Variants in GATAD2A observed in about 807,000 individuals in gnomAD.
GATAD2A encodes the protein transcriptional repressor p66-alpha.
A neutral mutation model predicts 68.5 loss-of-function variants in GATAD2A; 12 were observed. The ratio of observed to expected loss-of-function variants is 0.18; its 90% CI spans 0.11 to 0.28. GATAD2A has a LOEUF of 0.28. Ranked by LOEUF, GATAD2A falls within the 10% of genes least tolerant of loss-of-function variation. GATAD2A has a pLI of 1.00. For synonymous variants in GATAD2A, 410 were observed against 375.3 expected (o/e 1.09, Z -1.07); for missense variants, 755 against 868.5 (o/e 0.87, Z 1.64).
At chr19:19,501,825 A>C in intron 9 of GATAD2A, 144 bp from the exon 10 acceptor site, 1 of 648,454 alleles carries the variant, frequency 1.5e-6, no homozygotes, top group Non-Finnish European at 2.7e-6. Flanking sequence ...AGTTCTTTGC[A>C]ATTCACTAAA....
chr19:19,458,079 TGA>T (rs1174501615), intron 1 of GATAD2A, among the ~76,000 whole-genome samples: 1 of 152,146 alleles, frequency 6.6e-6, no homozygotes, highest in Non-Finnish European at 1.5e-5. Context: ...CCTGATAACA[TGA>T]GAGAGAGAAG....
chr19:19,454,097 A>G (rs1331315865), intron 1 of GATAD2A, among the ~76,000 whole-genome samples: 1 of 151,700 alleles, frequency 6.6e-6, no homozygotes, highest in East Asian at 2.0e-4. Context: ...TCCTGGGTTC[A>G]AGCAGTTCTC....
At chr19:19,489,630 G>A (rs1455194708) in intron 2 of GATAD2A, among the ~76,000 whole-genome samples, 2 of 152,244 alleles carry the variant, frequency 1.3e-5, no homozygotes, top group Non-Finnish European at 2.9e-5. Flanking sequence ...CAGCTGCTAG[G>A]TGGTCTGGAC....
chr19:19,436,854 G>A (rs2054415296), intron 1 of GATAD2A, among the ~76,000 whole-genome samples: 1 of 152,226 alleles, frequency 6.6e-6, no homozygotes, highest in Non-Finnish European at 1.5e-5. Context: ...CCCTGGGTCA[G>A]CTGCTCCGTT....
At chr19:19,460,884 G>A (rs781614569) in intron 1 of GATAD2A, among the ~76,000 whole-genome samples, 140 of 152,244 alleles carry the variant, frequency 9.2e-4, no homozygotes, top group Non-Finnish European at 1.8e-3. Flanking sequence ...ACATGTCTCC[G>A]CTCAGGCCCT....
At chr19:19,414,232 G>A (rs918419571) in intron 1 of GATAD2A, among the ~76,000 whole-genome samples, 1 of 152,030 alleles carries the variant, frequency 6.6e-6, no homozygotes, top group Non-Finnish European at 1.5e-5. Context: ...ACTATTTTTG[G>A]GAGTTGGGTA....
intron 1 of GATAD2A, among the ~76,000 whole-genome samples, chr19:19,406,878 C>T (rs564139651): frequency 2.0e-5 from 3 of 152,308 alleles, no homozygotes; most frequent in South Asian, 4.1e-4. Flanking sequence ...AATGACAACC[C>T]TTAGGTGCGT....
At chr19:19,399,629 T>C (rs1027572005) in intron 1 of GATAD2A, among the ~76,000 whole-genome samples, 1 of 152,204 alleles carries the variant, frequency 6.6e-6, no homozygotes, top group Admixed American at 6.6e-5. Context: ...TAGTTAGATA[T>C]AGACCTGATT....
At chr19:19,426,633 C>T (rs765626521) in intron 1 of GATAD2A, among the ~76,000 whole-genome samples, 38 of 152,150 alleles carry the variant, frequency 2.5e-4, no homozygotes, top group Admixed American at 5.2e-4. Context: ...GCCTCAGCCT[C>T]CCGAGTAGCT....
chr19:19,489,359 C>T (rs1725815007), intron 2 of GATAD2A, among the ~76,000 whole-genome samples: 1 of 152,232 alleles, frequency 6.6e-6, no homozygotes, highest in Admixed American at 6.5e-5. Flanking sequence ...TGTCACAAAC[C>T]GGTTGGAACT....
At chr19:19,415,392 T>G (rs1324473923) in intron 1 of GATAD2A, among the ~76,000 whole-genome samples, 1 of 151,638 alleles carries the variant, frequency 6.6e-6, no homozygotes, top group Non-Finnish European at 1.5e-5. Context: ...CGACTTCAGG[T>G]GATCTGCCCG....
At chr19:19,411,071 C>T (rs919196054) in intron 1 of GATAD2A, among the ~76,000 whole-genome samples, 6 of 152,236 alleles carry the variant, frequency 3.9e-5, no homozygotes, top group Admixed American at 1.3e-4. Flanking sequence ...CTGTCACTGT[C>T]TGCATGCCCC....
intron 1 of GATAD2A, among the ~76,000 whole-genome samples, chr19:19,407,512 C>T (rs1406051546): frequency 6.6e-6 from 1 of 152,188 alleles, no homozygotes; most frequent in Non-Finnish European, 1.5e-5. Context: ...AGTAGTGAGG[C>T]AGAGCCAGGC....
intron 1 of GATAD2A, among the ~76,000 whole-genome samples, chr19:19,439,805 G>A (rs745325986): frequency 5.3e-5 from 8 of 152,038 alleles, no homozygotes; most frequent in Non-Finnish European, 7.4e-5. Context: ...CCAAGATCAC[G>A]CCACTGCACT....
chr19:19,494,817 A>T (rs2060036340), intron 5 of GATAD2A, among the ~76,000 whole-genome samples: 1 of 152,124 alleles, frequency 6.6e-6, no homozygotes, highest in South Asian at 2.1e-4. Context: ...AGCTTGCTCT[A>T]GGGGGTGACC....
At chr19:19,424,114 A>G (rs975210047) in intron 1 of GATAD2A, among the ~76,000 whole-genome samples, 1 of 152,118 alleles carries the variant, frequency 6.6e-6, no homozygotes, top group African/African-American at 2.4e-5. Flanking sequence ...TTATAGAAAC[A>G]GGGTCTCACT....
At chr19:19,414,837 CTT>C (rs56353005) in intron 1 of GATAD2A, among the ~76,000 whole-genome samples, 15 of 74,750 alleles carry the variant, frequency 2.0e-4, no homozygotes, top group Admixed American at 5.6e-4. Context: ...ACCCTGCCCC[CTT>C]TTTTTTTTTT....
chr19:19,501,017 G>A, intron 8 of GATAD2A, 101 bp from the exon 9 acceptor site: 1 of 1,040,752 alleles, frequency 9.6e-7, no homozygotes, highest in Non-Finnish European at 1.4e-6. Context: ...AGAACGGACA[G>A]ACTGTGGCGA....
At position 19,394,422 on chromosome 19, in the gene GATAD2A, T is replaced by C. The variant is rs115952172; in HGVS notation, c.-7+8284T>C. Among the ~76,000 whole-genome samples the C allele has an allele frequency of 8.4e-3, 1,273 of 151,864 alleles. 21 individuals are homozygous for C. Among genetic ancestry groups the C allele is most frequent in the African/African-American group, 0.029 (1,219 of 41,434 alleles). ...TATTGGTAGACTCTTGGTGCATGGA[T>C]TTCCCTCTGCCCGGGCTTTCCTCTT... On this transcript the variant is annotated intron_variant, in intron 1 of 11. Transcript: ENST00000360315.
Sources: allele counts gnomAD v4.1 joint callset (sites outside exome capture counted in the v4.1 genomes callset), GRCh38; gene constraint gnomAD v4.1.1; transcripts MANE v1.5; gene names NCBI Gene and HGNC (gene_info 2026-07-23, HGNC 2026-07-21).